ZNF425: variants seen among roughly 807,000 people sequenced by gnomAD.
ZNF425 encodes the protein zinc finger protein 425.
ZNF425 carries 21 observed loss-of-function variants against 17.0 expected under a neutral mutation model. That is an observed-to-expected ratio of 1.23 (90% CI 0.88 to 1.78). ZNF425 has a LOEUF of 1.78. ZNF425 is among the 40% of genes most tolerant of loss of function. The pLI is 0.00. For missense variants in ZNF425, 868 were observed against 967.3 expected, an observed-to-expected ratio of 0.90 and a Z score of 1.36; for synonymous variants, 433 against 384.1, an observed-to-expected ratio of 1.13 and a Z score of -1.49.
At chr7:149,110,082 G>T (rs1345636956) in intron 3 of ZNF425, among the ~76,000 whole-genome samples, 1 of 151,472 alleles carries the variant, frequency 6.6e-6, no homozygotes, top group Non-Finnish European at 1.5e-5. Flanking sequence ...CATGATATTG[G>T]CAAGGCTGGT....
chr7:149,116,313 G>A (rs1001935328), intron 2 of ZNF425, among the ~76,000 whole-genome samples: 4 of 152,192 alleles, frequency 2.6e-5, no homozygotes, highest in African/African-American at 9.6e-5. Context: ...GAGCATCTCA[G>A]ATGTAATGTG....
chr7:149,112,673 ATTTTAT>A (rs1188340439), intron 2 of ZNF425, among the ~76,000 whole-genome samples: 1 of 151,970 alleles, frequency 6.6e-6, no homozygotes, highest in African/African-American at 2.4e-5. Context: ...TTATTATTTT[ATTTTAT>A]TTTTGAGACA....
chr7:149,109,528 T>C (rs1563146017), intron 3 of ZNF425, among the ~76,000 whole-genome samples: 1 of 152,306 alleles, frequency 6.6e-6, no homozygotes, highest in Middle Eastern at 3.4e-3. Flanking sequence ...CCTGGGATAT[T>C]GCTCTCTCTC....
intron 1 of ZNF425, chr7:149,118,812 C>G (rs1168569755): frequency 2.3e-5 from 4 of 173,680 alleles, no homozygotes; most frequent in South Asian, 2.4e-4. Context: ...GAGCCTCTGT[C>G]TCAAAAATAA....
intron 3 of ZNF425, among the ~76,000 whole-genome samples, chr7:149,109,745 T>A (rs767592967): frequency 3.3e-5 from 5 of 152,194 alleles, no homozygotes; most frequent in Admixed American, 1.3e-4. Flanking sequence ...TACACATACA[T>A]TATATAAAGT....
At chr7:149,105,644 T>C in intron 3 of ZNF425, 78 bp from the exon 4 acceptor site, 2 of 925,610 alleles carry the variant, frequency 2.2e-6, no homozygotes, top group East Asian at 6.7e-5. Context: ...CTTTTAAAAA[T>C]TTATTATTAT....
In ZNF425 at chr7:149,115,100, ATTTTTT is replaced by A. The variant is rs71192755; in HGVS notation, c.146-2811_146-2806del. On this transcript the variant is annotated intron_variant, in intron 2 of 3. Transcript: ENST00000378061. The stretch of plus-strand genomic sequence containing the variant: ...CAGACGTGTGCCACCACGCTGGCTA[ATTTTTT>A]TTTTTTTTTTTTTTTGTATTTTTAG... Among the ~76,000 whole-genome samples the A allele has an allele frequency of 7.9e-3, 979 of 123,866 alleles. 4 individuals carry two copies. The highest frequency in any genetic ancestry group is 0.013 in the Non-Finnish European group (779 of 58,984). The allele number at this position is 123,866 out of a possible 152,430, so 81.3% of individuals were successfully genotyped here. A position where few individuals can be genotyped will look rare whatever the true frequency, so the allele number is the denominator to read the frequency against.
At chr7:149,120,804 C>T (rs571529334) in intron 1 of ZNF425, among the ~76,000 whole-genome samples, 3 of 152,266 alleles carry the variant, frequency 2.0e-5, no homozygotes, top group South Asian at 4.1e-4. Context: ...GACTGTATTT[C>T]ATTTCTTTTT....
At chr7:149,111,317 C>T (rs923826290) in intron 3 of ZNF425, among the ~76,000 whole-genome samples, 3 of 150,816 alleles carry the variant, frequency 2.0e-5, no homozygotes, top group African/African-American at 7.3e-5. Context: ...GGGTGTCGGG[C>T]GCGGTGGCTC....
chr7:149,114,931 CTTTTTTT>C (rs35954198), intron 2 of ZNF425, among the ~76,000 whole-genome samples: 2 of 101,026 alleles, frequency 2.0e-5, no homozygotes, highest in East Asian at 2.5e-4. Flanking sequence ...TCTTTCTTTT[CTTTTTTT>C]TTTTTTTTTT....
chr7:149,105,957 CTTTTT>C (rs35777509), intron 3 of ZNF425, among the ~76,000 whole-genome samples: 1 of 119,384 alleles, frequency 8.4e-6, no homozygotes, highest in Admixed American at 9.7e-5. Context: ...AATTTTTTTC[CTTTTT>C]TTTTTTTTTT....
rs183223303 is a variant in ZNF425, at chr7:149,107,195, G to A, written c.305-1629C>T. On this transcript the variant is annotated intron_variant, in intron 3 of 3. Transcript: ENST00000378061. Reference sequence around the variant, plus strand: ...CAGAGATTTCAGGAAAGATTTTCTGGAAGAAATGCTAATAGAAAATATTTT... The same window carrying A: ...CAGAGATTTCAGGAAAGATTTTCTGAAAGAAATGCTAATAGAAAATATTTT... 4.6e-5 allele frequency among the ~76,000 whole-genome samples: 7 copies of A among 151,800 alleles called. No individual in the cohort carries two copies. The East Asian group carries it at 1.2e-3, about 25-fold the overall frequency.
In ZNF425 at chr7:149,104,008, G is replaced by A; in HGVS notation, c.1863C>T (p.Leu621=). The A allele has an allele frequency of 6.2e-7, 1 of 1,613,836 alleles. No individual in the cohort carries two copies. Among genetic ancestry groups the A allele is most frequent in the South Asian group, 1.1e-5 (1 of 91,072 alleles). ...QCPECEKTFR[L]KGNLKSHLLQ... is the part of the protein sequence containing the mutation. ...GCAGGTGGCTTTTCAGGTTTCCCTT[G>A]AGGCGGAAAGTCTTCTCGCATTCAG... Residue 621 remains leucine (L), a synonymous_variant, in exon 4 of 4, where the codon CTC becomes CTT. Transcript: ENST00000378061. This position sits in a 1 kb window ranked among gnomAD's most constrained non-coding sequence, Gnocchi z 4.3.
intron 3 of ZNF425, among the ~76,000 whole-genome samples, chr7:149,106,876 A>T (rs1357457587): frequency 6.6e-6 from 1 of 152,064 alleles, no homozygotes; most frequent in Non-Finnish European, 1.5e-5. Flanking sequence ...TGGGAGGCTG[A>T]GGTGGGCAGA....
rs555927819 is a variant in ZNF425, at chr7:149,111,090, C to G, written c.304+1047G>C. On this transcript the variant is annotated intron_variant, in intron 3 of 3. Coordinates refer to ENST00000378061, the MANE Select transcript of ZNF425 (RefSeq NM_001001661.3). Reference sequence around the variant, plus strand: ...GATTACAGGCATGAGCCATCACGCCCGGCCATCCCTTGCCCTTTACAAGGA... The same window carrying G: ...GATTACAGGCATGAGCCATCACGCCGGGCCATCCCTTGCCCTTTACAAGGA... Among the ~76,000 whole-genome samples, 257 of 152,100 alleles carry G rather than the reference C, an allele frequency of 1.7e-3. 1 individual carries two copies. Among genetic ancestry groups the G allele is most frequent in the African/African-American group, 5.7e-3 (237 of 41,524 alleles).
rs749261998 is a variant in ZNF425, at chr7:149,104,962, G to A, written c.909C>T (p.Cys303=). The A allele has an allele frequency of 8.7e-6, 14 of 1,613,990 alleles. No individual in the cohort carries two copies. The South Asian group carries it at 1.4e-4, about 16-fold the overall frequency. ...CGAAGGCCCGGCCGCACTCCCCGCA[G>A]CAGAACGGCCGCTCCCCGCGGTGTA... is the stretch of plus-strand genomic sequence containing the variant. ...LCLHRGERPF[C]CGECGRAFVQ... The change falls in exon 4 of 4, where the codon TGC becomes TGT. Residue 303 remains cysteine (C), a synonymous_variant. Coordinates refer to ENST00000378061, the MANE Select transcript of ZNF425 (RefSeq NM_001001661.3). The surrounding 1 kb of genome is among the most constrained non-coding windows in gnomAD (Gnocchi z 4.3).
intron 1 of ZNF425, among the ~76,000 whole-genome samples, chr7:149,122,056 C>G (rs1288871602): frequency 1.3e-5 from 2 of 150,706 alleles, no homozygotes; most frequent in African/African-American, 4.9e-5. Context: ...GCTGGGACTA[C>G]AGGCACCCGT....
In ZNF425 at chr7:149,104,133, T is replaced by C. The variant is rs1468924366; in HGVS notation, c.1738A>G (p.Lys580Glu). Residue 580 changes from lysine (K) to glutamate (E), a missense_variant, in exon 4 of 4, where the codon AAG becomes GAG. Lys to Glu is a moderately conservative substitution (Grantham distance 56, BLOSUM62 1). Around this residue, in one of 5 missense-constraint regions of ZNF425, gnomAD observed 437 missense variants for 444.2 expected, o/e 0.98. Transcript: ENST00000378061. This position sits in a 1 kb window ranked among gnomAD's most constrained non-coding sequence, Gnocchi z 4.3. Reference protein sequence around the residue: ...KFHQRMHRDEKPFACGECDKT... With the variant: ...KFHQRMHRDEEPFACGECDKT... ...TCACACTCACCGCACGCGAAGGGCT[T>C]CTCGTCCCTGTGCATCCGCTGGTGG... is the stretch of plus-strand genomic sequence containing the variant. The C allele has an allele frequency of 6.2e-7, 1 of 1,613,256 alleles. No homozygotes were observed.
Position 149,104,647 on chromosome 7 carries a change from G to A in ZNF425, c.1224C>T (p.His408=), listed in dbSNP as rs202085431. Residue 408 remains histidine, a synonymous_variant, in exon 4 of 4, where the codon CAC becomes CAT. Coordinates refer to ENST00000378061, the MANE Select transcript of ZNF425 (RefSeq NM_001001661.3). The surrounding 1 kb of genome is among the most constrained non-coding windows in gnomAD (Gnocchi z 4.3). ...GACACGAAAAGGGCTTCTCTCCCGTGTGAACTCTGATGTGCTCGTCCAGCT... is the reference window on the plus strand; with the variant it reads ...GACACGAAAAGGGCTTCTCTCCCGTATGAACTCTGATGTGCTCGTCCAGCT... ...KIKLDEHIRV[H]TGEKPFSCPE... 3 of 1,614,068 alleles carry A rather than the reference G, an allele frequency of 1.9e-6. No homozygotes were observed. The highest frequency in any genetic ancestry group is 1.3e-5 in the African/African-American group (1 of 74,950).
Sources: gnomAD v4.1 joint callset for allele counts (sites outside exome capture counted in the v4.1 genomes callset) on GRCh38, gnomAD v4.1.1 for gene constraint, gnomAD v4.1.1 regional missense constraint, Gnocchi (gnomAD v3.1) non-coding constraint, MANE v1.5 for transcripts, NCBI Gene and HGNC (gene_info 2026-07-23, HGNC 2026-07-21) for gene names.